POLA1: variants seen among roughly 807,000 people sequenced by gnomAD.
POLA1 encodes the protein DNA polymerase alpha 1, catalytic subunit.
POLA1 carries 15 observed loss-of-function variants against 124.0 expected under a neutral mutation model. The ratio of observed to expected loss-of-function variants is 0.12; its 90% CI spans 0.08 to 0.19. The LOEUF is 0.19. Among genes scored for constraint, POLA1 ranks in the 10% least tolerant of loss-of-function variants. The pLI is 1.00. For missense variants in POLA1, 886 were observed against 1,103.4 expected (o/e 0.80, Z 2.79); for synonymous variants, 408 against 389.4 (o/e 1.05, Z -0.56).
chrX:24,959,634 A>G lies in POLA1; in HGVS notation c.4261+29085A>G, dbSNP rs959797150. On this transcript the variant is annotated intron_variant, in intron 36 of 36. Transcript: ENST00000379068. Reference sequence around the variant, plus strand: ...CTTCTAGACCTGCTCTGTCTGTTGCAGTAGCCACTAGCCACGTGTGCCTAT... The same window carrying G: ...CTTCTAGACCTGCTCTGTCTGTTGCGGTAGCCACTAGCCACGTGTGCCTAT... 1.7e-4 allele frequency among the ~76,000 whole-genome samples: 19 copies of G among 111,447 alleles called. 1 individual carries two copies. The highest frequency in any genetic ancestry group is 5.6e-5 in the Non-Finnish European group (3 of 53,134).
At chrX:24,911,495 A>G (rs186140234) in intron 35 of POLA1, among the ~76,000 whole-genome samples, 27 of 110,743 alleles carry the variant, frequency 2.4e-4, no homozygotes. Flanking sequence ...TTAAATGTTT[A>G]TATGAGGAGA....
At chrX:24,949,115 T>C (rs1178295336) in intron 36 of POLA1, among the ~76,000 whole-genome samples, 1 of 112,155 alleles carries the variant, frequency 8.9e-6, no homozygotes, top group Non-Finnish European at 1.9e-5. Flanking sequence ...TATTTGTAAG[T>C]GTCCTAAGAC....
intron 1 of POLA1, among the ~76,000 whole-genome samples, chrX:24,697,057 C>G (rs993553229): frequency 9.0e-6 from 1 of 111,428 alleles, no homozygotes; most frequent in Non-Finnish European, 1.9e-5. Context: ...TGTACATTTC[C>G]TCAGTACTGA....
intron 31 of POLA1, among the ~76,000 whole-genome samples, chrX:24,822,674 A>G (rs1238255733): frequency 8.9e-6 from 1 of 112,460 alleles, no homozygotes; most frequent in African/African-American, 3.2e-5. Flanking sequence ...CCTGCAGGAA[A>G]ATATTTCCAT....
At position 24,812,642 on chromosome X, in the gene POLA1, T is replaced by A; in HGVS notation, c.3091-16T>A. On this transcript the variant is annotated splice_polypyrimidine_tract_variant and intron_variant, in intron 28 of 36. Coordinates refer to ENST00000379068, the MANE Select transcript of POLA1 (RefSeq NM_001330360.2). ...GATGTTTGAGAAGCTAATACTAATA[T>A]TTGAAATTTTCACAGGTAAAAAGTG... 9.7e-7 allele frequency: 1 copy of A among 1,030,893 alleles called. No individual in the cohort carries two copies. Among genetic ancestry groups the A allele is most frequent in the East Asian group, 3.0e-5 (1 of 33,008 alleles). 85.0% of individuals were successfully genotyped at this position (1,030,893 alleles called of 1,213,427 possible). A position where few individuals can be genotyped will look rare whatever the true frequency, so the allele number is the denominator to read the frequency against.
chrX:24,888,601 T>C (rs1338225104), intron 35 of POLA1, among the ~76,000 whole-genome samples: 1 of 45,139 alleles, frequency 2.2e-5, no homozygotes, highest in Admixed American at 2.2e-4. Flanking sequence ...TGTTTGCTTG[T>C]TTTTTTTTTT....
At chrX:24,706,915 G>A (rs1442704747) in intron 4 of POLA1, among the ~76,000 whole-genome samples, 2 of 112,365 alleles carry the variant, frequency 1.8e-5, no homozygotes, top group African/African-American at 6.5e-5. Context: ...ATGAAAATCA[G>A]TAACTTTTTT....
chrX:24,775,556 A>G (rs1289054143), intron 26 of POLA1, among the ~76,000 whole-genome samples: 2 of 111,867 alleles, frequency 1.8e-5, no homozygotes, highest in Non-Finnish European at 3.8e-5. Context: ...TTCAAGGCCT[A>G]GAGTCTCACT....
intron 26 of POLA1, among the ~76,000 whole-genome samples, chrX:24,762,925 T>G (rs748089235): frequency 8.3e-4 from 91 of 110,174 alleles, no homozygotes; most frequent in African/African-American, 2.9e-3. Context: ...TTTAGTAGAG[T>G]TGGGGTTTCA....
chrX:24,925,172 G>C (rs2047672509), intron 35 of POLA1, among the ~76,000 whole-genome samples: 1 of 112,118 alleles, frequency 8.9e-6, no homozygotes, highest in Non-Finnish European at 1.9e-5. Flanking sequence ...GATTATCTAT[G>C]CTTCTACTAG....
At chrX:24,765,891 C>T (rs1932894393) in intron 26 of POLA1, among the ~76,000 whole-genome samples, 1 of 111,788 alleles carries the variant, frequency 8.9e-6, no homozygotes, top group African/African-American at 3.3e-5. Context: ...ATGTATCTTT[C>T]CTTTTTCCAT....
chrX:24,787,110 T>C (rs775135838), intron 26 of POLA1, among the ~76,000 whole-genome samples: 4 of 111,592 alleles, frequency 3.6e-5, no homozygotes, highest in South Asian at 3.7e-4. Context: ...GAGTTTCTTA[T>C]ATGTTTCAGA....
Position 24,724,298 on chromosome X carries a change from T to C in POLA1, c.1201-37T>C, listed in dbSNP as rs769213541. 5.3e-5 allele frequency: 36 copies of C among 675,731 alleles called. 1 individual carries two copies. The highest frequency in any genetic ancestry group is 6.5e-5 in the Non-Finnish European group (28 of 432,263). 55.7% of individuals were successfully genotyped at this position (675,731 alleles called of 1,213,427 possible). ...GAGAAGATCATTTATGTACAGATAC[T>C]TTTTTTTCCCCTCTGTCCCCTTCTC... is the stretch of plus-strand genomic sequence containing the variant. On this transcript the variant is annotated intron_variant, in intron 11 of 36. Transcript: ENST00000379068.
chrX:24,701,510 A>G (rs1470085354), intron 2 of POLA1, among the ~76,000 whole-genome samples: 2 of 103,691 alleles, frequency 1.9e-5, no homozygotes, highest in African/African-American at 7.2e-5. Context: ...ATCTTGGCTC[A>G]CTGCAACCTC....
intron 34 of POLA1, among the ~76,000 whole-genome samples, chrX:24,884,186 T>A (rs2047037019): frequency 9.0e-6 from 1 of 111,582 alleles, no homozygotes; most frequent in Non-Finnish European, 1.9e-5. Flanking sequence ...TCTCACTCTG[T>A]CACCCTGGCT....
At chrX:24,905,670 C>G (rs1375086630) in intron 35 of POLA1, among the ~76,000 whole-genome samples, 2 of 103,874 alleles carry the variant, frequency 1.9e-5, no homozygotes, top group Admixed American at 2.1e-4. Flanking sequence ...TTAAGTGATT[C>G]TCCTGCCTCA....
At chrX:24,906,590 G>C (rs1161742249) in intron 35 of POLA1, among the ~76,000 whole-genome samples, 1 of 110,754 alleles carries the variant, frequency 9.0e-6, no homozygotes, top group Non-Finnish European at 1.9e-5. Flanking sequence ...TGCTTAGGTG[G>C]TGGGTGCATC....
At chrX:24,734,026 G>A in intron 17 of POLA1, 1 of 294,556 alleles carries the variant, frequency 3.4e-6, no homozygotes, top group Non-Finnish European at 6.2e-6. Flanking sequence ...GAAAATAATG[G>A]GATTCTGTAC....
chrX:24,996,003 C>G lies in POLA1; in HGVS notation c.*53C>G. ...GGTAGTTGAAAAATCCCAGCTTCCT[C>G]TGTGCCTCCACTCTGGCCCTAAATG... is the stretch of plus-strand genomic sequence containing the variant. On this transcript the variant is annotated 3_prime_UTR_variant, in exon 37 of 37. Transcript: ENST00000379068. The G allele has an allele frequency of 4.6e-6, 5 of 1,083,709 alleles. No homozygotes were observed. In the South Asian group the frequency reaches 1.0e-4, roughly 22 times the overall value. 89.3% of individuals were successfully genotyped at this position (1,083,709 alleles called of 1,213,427 possible). A position where few individuals can be genotyped will look rare whatever the true frequency, so the allele number is the denominator to read the frequency against.
Sources: gnomAD v4.1 joint callset for allele counts (sites outside exome capture counted in the v4.1 genomes callset) on GRCh38, gnomAD v4.1.1 for gene constraint, MANE v1.5 for transcripts, NCBI Gene and HGNC (gene_info 2026-07-23, HGNC 2026-07-21) for gene names.